Variants in ELOVL5 observed in about 807,000 individuals in gnomAD.
The protein encoded by ELOVL5 is ELOVL fatty acid elongase 5, also known as very long chain fatty acid elongase 5.
In ELOVL5, 8 loss-of-function variants were observed where a neutral mutation model predicts 38.6. The observed-to-expected ratio is 0.21, with a 90% CI of 0.12 to 0.37. The LOEUF is 0.37. Ranked by LOEUF, ELOVL5 falls within the 10% of genes least tolerant of loss-of-function variation. ELOVL5 has a pLI of 1.00. For synonymous variants in ELOVL5, 127 were observed against 133.7 expected, an observed-to-expected ratio of 0.95 and a Z score of 0.34; for missense variants, 280 against 367.8, an observed-to-expected ratio of 0.76 and a Z score of 1.95.
chr6:53,314,367 C>T (rs945955236), intron 1 of ELOVL5, among the ~76,000 whole-genome samples: 2 of 152,056 alleles, frequency 1.3e-5, no homozygotes, highest in African/African-American at 2.4e-5. Flanking sequence ...GCCAGAACAC[C>T]AAGGGAGAGA....
intron 1 of ELOVL5, among the ~76,000 whole-genome samples, chr6:53,344,910 A>G (rs1316469644): frequency 6.6e-6 from 1 of 152,220 alleles, no homozygotes; most frequent in Non-Finnish European, 1.5e-5. Context: ...GTAAGGCTAA[A>G]TTCTAATTTT....
intron 6 of ELOVL5, among the ~76,000 whole-genome samples, chr6:53,271,273 C>T (rs749322424): frequency 2.6e-4 from 40 of 152,206 alleles, no homozygotes; most frequent in Non-Finnish European, 4.1e-4. Context: ...AGGCTCAGGC[C>T]GGGCGTGGTG....
At chr6:53,331,806 T>C (rs73435433) in intron 1 of ELOVL5, among the ~76,000 whole-genome samples, 1 of 152,316 alleles carries the variant, frequency 6.6e-6, no homozygotes, top group African/African-American at 2.4e-5. Flanking sequence ...GTCCGTTTGG[T>C]GTTGCTATAA....
intron 1 of ELOVL5, among the ~76,000 whole-genome samples, chr6:53,305,376 G>T (rs1767467083): frequency 1.9e-5 from 2 of 104,580 alleles, no homozygotes; most frequent in South Asian, 5.3e-4. Flanking sequence ...CCTGGCGGGG[G>T]CTGACCCCCC....
chr6:53,326,618 C>T (rs972596583), intron 1 of ELOVL5, among the ~76,000 whole-genome samples: 6 of 152,168 alleles, frequency 3.9e-5, no homozygotes, highest in Non-Finnish European at 7.3e-5. Context: ...CCCGCAGAGC[C>T]CCAGACTAGG....
At chr6:53,298,126 C>G (rs1767091634) in intron 1 of ELOVL5, among the ~76,000 whole-genome samples, 1 of 152,152 alleles carries the variant, frequency 6.6e-6, no homozygotes, top group African/African-American at 2.4e-5. Flanking sequence ...TTTTGTGACA[C>G]TGAAATCACA....
chr6:53,269,678 G>A (rs10897), intron 7 of ELOVL5, among the ~76,000 whole-genome samples: 54,592 of 151,908 alleles, frequency 0.36, 10,948 homozygotes, highest in African/African-American at 0.55. Context: ...TCACTGCCTC[G>A]GCGACTATCT....
At chr6:53,306,976 A>T (rs966302921) in intron 1 of ELOVL5, among the ~76,000 whole-genome samples, 5 of 152,192 alleles carry the variant, frequency 3.3e-5, no homozygotes, top group African/African-American at 1.2e-4. Flanking sequence ...GCAGTGAAGC[A>T]AGGTAAAAAA....
rs1205989494 is a variant in ELOVL5 at position 53,348,804 on chromosome 6, C to T, written c.-9+13G>A. The T allele has an allele frequency of 2.2e-6, 1 of 454,784 alleles. No individual in the cohort carries two copies. Among genetic ancestry groups the T allele is most frequent in the Non-Finnish European group, 4.4e-6 (1 of 226,496 alleles). 28.2% of individuals were successfully genotyped at this position (454,784 alleles called of 1,614,324 possible). A position where few individuals can be genotyped will look rare whatever the true frequency, so the allele number is the denominator to read the frequency against. ...CGGCCCCCGACGAAGTTTCCCGGAGCTGACGGCTTTACCTTTTAGCCCAAG... is the reference window on the plus strand; with the variant it reads ...CGGCCCCCGACGAAGTTTCCCGGAGTTGACGGCTTTACCTTTTAGCCCAAG... On this transcript the variant is annotated intron_variant, in intron 1 of 7. Transcript: ENST00000304434.
rs757160862 is a variant in ELOVL5, at chr6:53,330,517, CTTTTTTTTT to C, written c.-9+18291_-9+18299del. ...ATGGTAACATTTTTTTCTTTATAAA[CTTTTTTTTT>C]TTTTTTTTTTTTTTTAGGGACAGAG... On this transcript the variant is annotated intron_variant, in intron 1 of 7. Coordinates refer to ENST00000304434, the MANE Select transcript of ELOVL5 (RefSeq NM_021814.5). Among the ~76,000 whole-genome samples the C allele has an allele frequency of 3.1e-4, 28 of 91,424 alleles. No homozygotes were observed. In the South Asian group the frequency reaches 6.3e-3, roughly 21 times the overall value. The allele number at this position is 91,424 out of a possible 152,430, so 60.0% of individuals were successfully genotyped here.
At chr6:53,296,248 C>A (rs150115558) in intron 1 of ELOVL5, among the ~76,000 whole-genome samples, 15 of 152,268 alleles carry the variant, frequency 9.9e-5, no homozygotes, top group African/African-American at 3.4e-4. Context: ...TTACTTCCCT[C>A]AACCTCAATC....
At position 53,319,930 on chromosome 6, in the gene ELOVL5, A is replaced by C. The variant is rs140566348; in HGVS notation, c.-8-24223T>G. ...CTGGTTTGATCCTTGGAAATGTGTA[A>C]GTAAGACGAAGGTTTGGTTTTAATC... On this transcript the variant is annotated intron_variant, in intron 1 of 7. Coordinates refer to ENST00000304434, the MANE Select transcript of ELOVL5 (RefSeq NM_021814.5). 4.4e-3 allele frequency among the ~76,000 whole-genome samples: 673 copies of C among 152,304 alleles called. 7 individuals are homozygous for C. Among genetic ancestry groups the C allele is most frequent in the African/African-American group, 0.016 (648 of 41,552 alleles).
At chr6:53,293,075 T>C (rs1266014390) in intron 2 of ELOVL5, among the ~76,000 whole-genome samples, 1 of 152,100 alleles carries the variant, frequency 6.6e-6, no homozygotes, top group Non-Finnish European at 1.5e-5. Flanking sequence ...CTAAGTGTTA[T>C]GTGTCCCCTG....
At chr6:53,338,958 G>A (rs763062101) in intron 1 of ELOVL5, among the ~76,000 whole-genome samples, 18 of 152,134 alleles carry the variant, frequency 1.2e-4, no homozygotes, top group Middle Eastern at 3.2e-3. Context: ...CCCCCCAAAC[G>A]AAAATGTCTT....
chr6:53,344,368 G>C lies in ELOVL5; in HGVS notation c.-9+4449C>G, dbSNP rs1001987827. 4.1e-4 allele frequency among the ~76,000 whole-genome samples: 62 copies of C among 152,112 alleles called. 1 individual carries two copies. Among genetic ancestry groups the C allele is most frequent in the African/African-American group, 1.5e-3 (61 of 41,410 alleles). ...GTCTGTGCTCATGGCTGTGGCTTCA[G>C]GTCAGGCCTTTTCACTGCCCTGGCC... is the stretch of plus-strand genomic sequence containing the variant. On this transcript the variant is annotated intron_variant, in intron 1 of 7. Coordinates refer to ENST00000304434, the MANE Select transcript of ELOVL5 (RefSeq NM_021814.5).
intron 1 of ELOVL5, among the ~76,000 whole-genome samples, chr6:53,324,252 C>CAAAAAAAAAAAAA (rs59453946): frequency 5.4e-5 from 6 of 110,364 alleles, no homozygotes; most frequent in Admixed American, 2.1e-4. Flanking sequence ...GACTCTACCT[C>CAAAAAAAAAAAAA]AAAAAAAAAA....
intron 1 of ELOVL5, among the ~76,000 whole-genome samples, chr6:53,323,579 T>TC (rs1477646127): frequency 2.9e-5 from 4 of 136,538 alleles, no homozygotes; most frequent in Non-Finnish European, 6.2e-5. Flanking sequence ...TAGCCAGCTT[T>TC]TTTTTTTTTT....
Position 53,282,096 on chromosome 6 carries a change from A to G in ELOVL5, c.247-5840T>C, listed in dbSNP as rs142759426. 3.8e-3 allele frequency among the ~76,000 whole-genome samples: 583 copies of G among 152,294 alleles called. 2 individuals are homozygous for G. The highest frequency in any genetic ancestry group is 0.012 in the African/African-American group (516 of 41,544). On this transcript the variant is annotated intron_variant, in intron 3 of 7. Transcript: ENST00000304434. ...AGAAAGCAGATGGTAAGAGTGCAAT[A>G]AGCATTAGATTAGTTAGCCCAATAC... is the stretch of plus-strand genomic sequence containing the variant.
intron 1 of ELOVL5, among the ~76,000 whole-genome samples, chr6:53,345,937 T>C (rs1769524678): frequency 6.6e-6 from 1 of 152,202 alleles, no homozygotes; most frequent in South Asian, 2.1e-4. Flanking sequence ...ATACATGTGC[T>C]GAACGTGCAT....
Sources: allele counts gnomAD v4.1 joint callset (sites outside exome capture counted in the v4.1 genomes callset), GRCh38; gene constraint gnomAD v4.1.1; transcripts MANE v1.5; gene names NCBI Gene and HGNC (gene_info 2026-07-23, HGNC 2026-07-21).